Variants in MCTP2 observed in about 807,000 individuals in gnomAD.
MCTP2 encodes the protein multiple C2 and transmembrane domain-containing protein 2.
Under a neutral mutation model 111.6 loss-of-function variants are expected in MCTP2, and 132 were observed. That is an observed-to-expected ratio of 1.18 (90% confidence interval 1.03 to 1.37). The LOEUF (loss-of-function observed/expected upper bound fraction) is 1.37. MCTP2 is among the 40% of genes most tolerant of loss of function. The probability of loss-of-function intolerance (pLI) is 0.00; values close to 1 mark genes in which losing one functional copy is unlikely to be tolerated. For missense variants in MCTP2, 1,183 were observed against 1,067.9 expected, an observed-to-expected ratio of 1.11 and a Z score of -1.50; for synonymous variants, 395 against 387.7, an observed-to-expected ratio of 1.02 and a Z score of -0.22.
At position 94,257,417 on chromosome 15, in the gene MCTP2, A is replaced by C. The variant is rs542994703; in HGVS notation, c.-66+25753A>C. 1.8e-3 allele frequency among the ~76,000 whole-genome samples: 275 copies of C among 152,192 alleles called. 1 individual carries two copies. The highest frequency in any genetic ancestry group is 5.6e-3 in the South Asian group (27 of 4,824). Reference sequence around the variant, plus strand: ...GAATTTTGAGGGTAGATGCTAGATTAGACAAAATTCAACCTTATCTCCCAT... The same window carrying C: ...GAATTTTGAGGGTAGATGCTAGATTCGACAAAATTCAACCTTATCTCCCAT... On this transcript the variant is annotated intron_variant, in intron 1 of 22. Transcript: ENST00000357742.
chr15:94,479,204 C>T lies in MCTP2; in HGVS notation c.*170C>T. On this transcript the variant is annotated 3_prime_UTR_variant, in exon 23 of 23. Transcript: ENST00000357742. ...GCACAGACATACACACATGTGCACACACCCTCATGCATGGGTGTCCTAGTT... is the reference window on the plus strand; with the variant it reads ...GCACAGACATACACACATGTGCACATACCCTCATGCATGGGTGTCCTAGTT... The T allele has an allele frequency of 1.5e-6, 1 of 654,802 alleles. No homozygotes were observed. Among genetic ancestry groups the T allele is most frequent in the South Asian group, 1.8e-5 (1 of 55,694 alleles). 40.6% of individuals were successfully genotyped at this position (654,802 alleles called of 1,614,324 possible).
chr15:94,313,001 A>G (rs545773491), intron 2 of MCTP2, among the ~76,000 whole-genome samples: 1 of 152,262 alleles, frequency 6.6e-6, no homozygotes, highest in South Asian at 2.1e-4. Context: ...AAATGTCATC[A>G]GTGCCCCTAC....
chr15:94,478,790 T>C (rs551041557), intron 22 of MCTP2, among the ~76,000 whole-genome samples, 176 bp from the exon 23 acceptor site: 1 of 152,360 alleles, frequency 6.6e-6, no homozygotes, highest in East Asian at 1.9e-4. Flanking sequence ...AAATGATGCA[T>C]GACTTCTCAA....
At chr15:94,478,909 C>T (rs900759053) in intron 22 of MCTP2, 57 bp from the exon 23 acceptor site, 3 of 1,520,314 alleles carry the variant, frequency 2.0e-6, no homozygotes, top group Non-Finnish European at 2.7e-6. Context: ...CATTAGCACA[C>T]ACTGTGGCGA....
chr15:94,313,796 G>A (rs2076255271), intron 2 of MCTP2, among the ~76,000 whole-genome samples: 1 of 152,150 alleles, frequency 6.6e-6, no homozygotes, highest in Admixed American at 6.5e-5. Flanking sequence ...TTGGTTTGGC[G>A]ATTGACCAGT....
chr15:94,321,334 G>A (rs2076621183), intron 4 of MCTP2, among the ~76,000 whole-genome samples: 1 of 152,184 alleles, frequency 6.6e-6, no homozygotes, highest in Admixed American at 6.5e-5. Context: ...TGATGTGTTT[G>A]AGGTGATGCA....
chr15:94,427,108 T>G (rs545792104), intron 17 of MCTP2, among the ~76,000 whole-genome samples: 1 of 152,294 alleles, frequency 6.6e-6, no homozygotes, highest in Non-Finnish European at 1.5e-5. Context: ...ATGTAGAATG[T>G]CCAGCTTGAC....
chr15:94,314,221 C>G, intron 2 of MCTP2, 61 bp from the exon 3 acceptor site: 1 of 1,155,158 alleles, frequency 8.7e-7, no homozygotes. Context: ...TAGAGGGTAT[C>G]TTCCTGAGTT....
chr15:94,430,096 A>G (rs929506533), intron 17 of MCTP2, among the ~76,000 whole-genome samples: 11 of 152,242 alleles, frequency 7.2e-5, no homozygotes, highest in African/African-American at 2.6e-4. Flanking sequence ...GGTCTTTTCA[A>G]TAGCTTTGTA....
chr15:94,328,380 G>T (rs544870534), intron 4 of MCTP2, among the ~76,000 whole-genome samples: 1 of 151,924 alleles, frequency 6.6e-6, no homozygotes, highest in Non-Finnish European at 1.5e-5. Flanking sequence ...CACCCGCCTT[G>T]GCCTCCCAAA....
rs1198544794 is a variant in MCTP2 at position 94,245,218 on chromosome 15, G to A, written c.-66+13554G>A. ...TGTATGTATATATTTATACATATGT[G>A]TATATATACATATGTATGTATATAT... On this transcript the variant is annotated intron_variant, in intron 1 of 22. Transcript: ENST00000357742. 5.8e-4 allele frequency among the ~76,000 whole-genome samples: 80 copies of A among 138,568 alleles called. 1 individual carries two copies. Among genetic ancestry groups the A allele is most frequent in the Non-Finnish European group, 3.7e-4 (24 of 64,698 alleles). The allele number at this position is 138,568 out of a possible 152,430, so 90.9% of individuals were successfully genotyped here. A position where few individuals can be genotyped will look rare whatever the true frequency, so the allele number is the denominator to read the frequency against.
chr15:94,475,993 G>C (rs914354741), intron 21 of MCTP2, among the ~76,000 whole-genome samples: 3 of 152,186 alleles, frequency 2.0e-5, no homozygotes, highest in African/African-American at 7.2e-5. Context: ...CCGACGTTGT[G>C]ATCCATAAAT....
intron 17 of MCTP2, among the ~76,000 whole-genome samples, chr15:94,404,350 G>A (rs1284242987): frequency 6.3e-5 from 9 of 143,600 alleles, no homozygotes; most frequent in Non-Finnish European, 1.1e-4. Flanking sequence ...CACCCAGGCT[G>A]GAGTGCAGAG....
intron 4 of MCTP2, 48 bp from the exon 5 acceptor site, chr15:94,339,242 T>G: frequency 2.1e-6 from 3 of 1,427,402 alleles, no homozygotes; most frequent in East Asian, 2.3e-5. Flanking sequence ...AGTCCCAGGC[T>G]TTTACATGTA....
chr15:94,384,000 G>T (rs375489919), intron 12 of MCTP2, 22 bp from the exon 13 acceptor site: 6 of 1,528,720 alleles, frequency 3.9e-6, no homozygotes, highest in Non-Finnish European at 5.4e-6. Context: ...GTCTTTGACC[G>T]ATGTGTATGT....
intron 12 of MCTP2, among the ~76,000 whole-genome samples, chr15:94,375,961 C>A (rs1282595035): frequency 6.6e-6 from 1 of 152,142 alleles, no homozygotes; most frequent in African/African-American, 2.4e-5. Context: ...GGGGGCAGTT[C>A]TGGTAATCGA....
At chr15:94,257,566 G>GTTGTTTTTTTTTTTTTTTTTTTTTT (rs1421232829) in intron 1 of MCTP2, among the ~76,000 whole-genome samples, 1 of 73,006 alleles carries the variant, frequency 1.4e-5, no homozygotes, top group Non-Finnish European at 2.7e-5. Flanking sequence ...CATTTTCTTT[G>GTTGTTTTTTTTTTTTTTTTTTTTTT]TTGTTTTTTT....
rs758689438 is a variant in MCTP2, at chr15:94,476,793, G to T, written c.2568G>T (p.Lys856Asn). 6.4e-6 allele frequency: 10 copies of T among 1,554,022 alleles called. No individual in the cohort carries two copies. The Middle Eastern group carries it at 1.7e-3, about 261-fold the overall frequency. ...FLSRVPSDVQKVQYAELKLCS... is the reference protein window; with the variant it reads ...FLSRVPSDVQNVQYAELKLCS... ...CTAGGGTACCGTCTGATGTTCAAAA[G>T]GTATGTAATGAATGGTTACCACCAA... The change falls in exon 22 of 23, where the codon AAG (lysine) becomes AAT (asparagine). Residue 856 changes from lysine to asparagine, a missense_variant and splice_region_variant. By Grantham distance (94) the Lys-to-Asn change is moderately conservative. Coordinates refer to ENST00000357742, the MANE Select transcript of MCTP2 (RefSeq NM_001385001.1).
intron 12 of MCTP2, among the ~76,000 whole-genome samples, chr15:94,382,474 A>ATC (rs1251713064): frequency 6.6e-6 from 1 of 152,282 alleles, no homozygotes; most frequent in African/African-American, 2.4e-5. Context: ...TTGGCGAGGA[A>ATC]TCTAAGTGTC....
Sources: allele counts gnomAD v4.1 joint callset (sites outside exome capture counted in the v4.1 genomes callset), GRCh38; gene constraint gnomAD v4.1.1; transcripts MANE v1.5; gene names NCBI Gene and HGNC (gene_info 2026-07-23, HGNC 2026-07-21).